The following GPC6 variants were observed in gnomAD, a reference collection of about 807,000 sequenced individuals.
GPC6 encodes the protein glypican 6.
In GPC6, 14 loss-of-function variants were observed where a neutral mutation model predicts 55.2. The observed-to-expected ratio is 0.25, with a 90% confidence interval of 0.17 to 0.40. GPC6 has a LOEUF of 0.40. Among genes scored for constraint, GPC6 ranks in the 10% least tolerant of loss-of-function variants. The probability of loss-of-function intolerance (pLI) is 1.00; values close to 1 mark genes in which losing one functional copy is unlikely to be tolerated. For missense variants in GPC6, 641 were observed against 708.5 expected, an observed-to-expected ratio of 0.90 and a Z score of 1.08; for synonymous variants, 278 against 259.6, an observed-to-expected ratio of 1.07 and a Z score of -0.68.
chr13:94,236,920 T>C (rs1281983842), intron 4 of GPC6, among the ~76,000 whole-genome samples: 3 of 148,416 alleles, frequency 2.0e-5, no homozygotes, highest in African/African-American at 7.5e-5. Flanking sequence ...ATTTTGGGCA[T>C]GTAAATAGCC....
chr13:93,512,696 G>T (rs990288245), intron 1 of GPC6, among the ~76,000 whole-genome samples: 1 of 151,916 alleles, frequency 6.6e-6, no homozygotes, highest in Non-Finnish European at 1.5e-5. Flanking sequence ...GAAAAATTTG[G>T]TTAGGAGAAG....
At chr13:93,950,101 A>T (rs757557658) in intron 3 of GPC6, among the ~76,000 whole-genome samples, 11 of 152,202 alleles carry the variant, frequency 7.2e-5, no homozygotes, top group Non-Finnish European at 1.6e-4. Context: ...GTGGCATAAC[A>T]CTGTGATTGC....
intron 3 of GPC6, among the ~76,000 whole-genome samples, chr13:93,962,491 GCC>G (rs2140385032): frequency 1.3e-5 from 2 of 152,010 alleles, no homozygotes; most frequent in African/African-American, 4.8e-5. Context: ...CTAACCCAGT[GCC>G]CCACATTCTA....
At chr13:94,008,921 G>T (rs191163248) in intron 3 of GPC6, among the ~76,000 whole-genome samples, 2 of 152,064 alleles carry the variant, frequency 1.3e-5, no homozygotes, top group African/African-American at 4.8e-5. Flanking sequence ...TTTATGCTTT[G>T]AAAAATTTAA....
At chr13:94,284,798 AT>A (rs1194997828) in intron 4 of GPC6, among the ~76,000 whole-genome samples, 2 of 151,952 alleles carry the variant, frequency 1.3e-5, no homozygotes, top group East Asian at 3.9e-4. Context: ...ATCAACAGGT[AT>A]TTTGATTAAT....
chr13:93,692,605 A>C (rs752798462), intron 2 of GPC6, among the ~76,000 whole-genome samples: 3 of 152,088 alleles, frequency 2.0e-5, no homozygotes, highest in Non-Finnish European at 4.4e-5. Flanking sequence ...TAGAAAATAT[A>C]GAAATTTTCC....
intron 2 of GPC6, among the ~76,000 whole-genome samples, chr13:93,612,469 A>C (rs1878516369): frequency 6.6e-6 from 1 of 150,950 alleles, no homozygotes; most frequent in Non-Finnish European, 1.5e-5. Flanking sequence ...ACTGCACTCC[A>C]GCCTGGGCGA....
chr13:93,882,242 C>A (rs1304204046), intron 3 of GPC6, among the ~76,000 whole-genome samples: 1 of 151,908 alleles, frequency 6.6e-6, no homozygotes, highest in African/African-American at 2.4e-5. Flanking sequence ...GCAGCCTTGA[C>A]CTTCCAGACT....
At chr13:93,879,369 T>C (rs965798193) in intron 3 of GPC6, among the ~76,000 whole-genome samples, 2 of 152,212 alleles carry the variant, frequency 1.3e-5, no homozygotes, top group African/African-American at 4.8e-5. Context: ...AACAGAGATA[T>C]AGATCAATGG....
intron 3 of GPC6, among the ~76,000 whole-genome samples, chr13:93,958,848 C>T (rs1313684115): frequency 6.6e-6 from 1 of 152,016 alleles, no homozygotes; most frequent in Non-Finnish European, 1.5e-5. Context: ...TTTGTGTTGT[C>T]TCAGATTTCC....
intron 3 of GPC6, among the ~76,000 whole-genome samples, chr13:93,920,244 CA>C (rs1273162171): frequency 1.3e-5 from 2 of 152,164 alleles, no homozygotes; most frequent in African/African-American, 4.8e-5. Context: ...CTATCTTTTT[CA>C]CTTGTTTCTA....
At chr13:94,042,696 G>A (rs953486037) in intron 4 of GPC6, among the ~76,000 whole-genome samples, 2 of 151,746 alleles carry the variant, frequency 1.3e-5, no homozygotes, top group African/African-American at 4.8e-5. Context: ...CCCATTATTG[G>A]TGATATGTTT....
intron 2 of GPC6, among the ~76,000 whole-genome samples, chr13:93,828,338 G>T (rs749653569): frequency 1.6e-4 from 25 of 152,020 alleles, no homozygotes; most frequent in Middle Eastern, 3.4e-3. Context: ...CAGATCGGAA[G>T]GTTTAACTTA....
At chr13:93,514,659 G>A (rs1232711372) in intron 1 of GPC6, among the ~76,000 whole-genome samples, 1 of 152,098 alleles carries the variant, frequency 6.6e-6, no homozygotes, top group Non-Finnish European at 1.5e-5. Flanking sequence ...TTTAAGTTAG[G>A]TATGGCTACA....
chr13:94,080,731 C>T (rs1435789318), intron 4 of GPC6, among the ~76,000 whole-genome samples: 1 of 152,118 alleles, frequency 6.6e-6, no homozygotes, highest in African/African-American at 2.4e-5. Context: ...GAAGAGAGAG[C>T]AACTTCTCTC....
chr13:94,336,209 T>C (rs1877691414), intron 6 of GPC6, among the ~76,000 whole-genome samples: 1 of 152,182 alleles, frequency 6.6e-6, no homozygotes, highest in Non-Finnish European at 1.5e-5. Flanking sequence ...TTTGCTGAAA[T>C]TGTTTAATCC....
intron 3 of GPC6, among the ~76,000 whole-genome samples, chr13:93,832,098 A>AAAAAG (rs1434486682): frequency 3.6e-5 from 2 of 56,216 alleles, no homozygotes; most frequent in East Asian, 6.8e-4. Context: ...TCAAAAAAAA[A>AAAAAG]AAAAAAAAAA....
chr13:93,828,008 T>G (rs1353316264), intron 2 of GPC6, among the ~76,000 whole-genome samples: 4 of 152,164 alleles, frequency 2.6e-5, no homozygotes, highest in African/African-American at 9.7e-5. Context: ...CAGAGAATTT[T>G]TTTTTTTCTC....
chr13:94,060,181 A>G (rs1884270677), intron 4 of GPC6, among the ~76,000 whole-genome samples: 1 of 152,244 alleles, frequency 6.6e-6, no homozygotes, highest in Admixed American at 6.5e-5. Context: ...AAATGTACCT[A>G]GTTAAAATTG....
Sources: allele counts gnomAD v4.1 joint callset (sites outside exome capture counted in the v4.1 genomes callset), GRCh38; gene constraint gnomAD v4.1.1; transcripts MANE v1.5; gene names NCBI Gene and HGNC (gene_info 2026-07-23, HGNC 2026-07-21).